Variants in ADAMTS3 observed in about 807,000 individuals in gnomAD.
The protein encoded by ADAMTS3 is ADAM metallopeptidase with thrombospondin type 1 motif 3.
Under a neutral mutation model 129.0 loss-of-function variants are expected in ADAMTS3, and 73 were observed. The ratio of observed to expected loss-of-function variants is 0.57; its 90% confidence interval spans 0.47 to 0.69. The LOEUF (loss-of-function observed/expected upper bound fraction) is 0.69, where lower values mean the gene tolerates loss of function less well. Ranked by LOEUF, ADAMTS3 falls within the 30% of genes least tolerant of loss-of-function variation. The pLI, the probability that ADAMTS3 is intolerant of heterozygous loss-of-function variation, is 0.00. For synonymous variants in ADAMTS3, 477 were observed against 510.8 expected (o/e 0.93, Z 0.89); for missense variants, 1,457 against 1,514.5 (o/e 0.96, Z 0.63).
chr4:72,407,173 G>GGCCAGGCATACTA (rs1333503811), intron 4 of ADAMTS3, among the ~76,000 whole-genome samples: 5 of 151,900 alleles, frequency 3.3e-5, no homozygotes, highest in Non-Finnish European at 7.4e-5. Context: ...TAGAAGCCAA[G>GGCCAGGCATACTA]GCCAGGCATA....
intron 4 of ADAMTS3, among the ~76,000 whole-genome samples, chr4:72,403,677 T>A (rs1402907612): frequency 6.6e-6 from 1 of 152,076 alleles, no homozygotes; most frequent in Non-Finnish European, 1.5e-5. Flanking sequence ...TATTTTTTGC[T>A]ATTTTGCATT....
intron 4 of ADAMTS3, among the ~76,000 whole-genome samples, chr4:72,397,940 T>TAA (rs112625596): frequency 6.7e-6 from 1 of 148,590 alleles, no homozygotes; most frequent in Non-Finnish European, 1.5e-5. Context: ...CAATTTAATG[T>TAA]AAAAAAAAAA....
intron 3 of ADAMTS3, among the ~76,000 whole-genome samples, chr4:72,455,244 G>A (rs1180972864): frequency 1.3e-5 from 2 of 151,530 alleles, no homozygotes; most frequent in Non-Finnish European, 3.0e-5. Context: ...TTAGAAATAT[G>A]TTGGATAAAG....
At chr4:72,549,869 A>G (rs1247880563) in intron 2 of ADAMTS3, among the ~76,000 whole-genome samples, 1 of 150,298 alleles carries the variant, frequency 6.7e-6, no homozygotes, top group Non-Finnish European at 1.5e-5. Flanking sequence ...AGAACACTTT[A>G]AAGGAACTAT....
In ADAMTS3 at chr4:72,287,810, T is replaced by TG. The variant is rs1328095941; in HGVS notation, c.3049+940dup. On this transcript the variant is annotated intron_variant, in intron 21 of 21. Coordinates refer to ENST00000286657, the MANE Select transcript of ADAMTS3 (RefSeq NM_014243.3). ...AGATGTGGATAGAGAGCTATGGAAA[T>TG]GGAGGCAGAAGGAGACAGTGATAGA... 2.0e-5 allele frequency among the ~76,000 whole-genome samples: 3 copies of TG among 152,156 alleles called. No individual in the cohort carries two copies. The East Asian group carries it at 5.8e-4, about 29-fold the overall frequency.
intron 3 of ADAMTS3, among the ~76,000 whole-genome samples, chr4:72,476,282 T>C (rs1048671082): frequency 2.6e-5 from 4 of 151,840 alleles, no homozygotes; most frequent in African/African-American, 4.8e-5. Flanking sequence ...AGAAATGAAA[T>C]AGATTCATTC....
At chr4:72,515,596 G>A (rs1414951196) in intron 3 of ADAMTS3, among the ~76,000 whole-genome samples, 1 of 150,138 alleles carries the variant, frequency 6.7e-6, no homozygotes, top group African/African-American at 2.4e-5. Flanking sequence ...GTGATGATGA[G>A]CATTTTTTCA....
intron 3 of ADAMTS3, among the ~76,000 whole-genome samples, chr4:72,427,413 T>G (rs1481667): frequency 1.3e-5 from 2 of 151,862 alleles, no homozygotes; most frequent in Non-Finnish European, 2.9e-5. Flanking sequence ...CCACAGCCAG[T>G]TATGTCAATG....
At chr4:72,452,155 CA>C (rs1718424243) in intron 3 of ADAMTS3, among the ~76,000 whole-genome samples, 1 of 151,646 alleles carries the variant, frequency 6.6e-6, no homozygotes, top group Non-Finnish European at 1.5e-5. Flanking sequence ...CAGGAAGTCA[CA>C]TTTATAAAAA....
At chr4:72,317,684 C>G (rs2109804905) in intron 10 of ADAMTS3, among the ~76,000 whole-genome samples, 1 of 152,186 alleles carries the variant, frequency 6.6e-6, no homozygotes, top group African/African-American at 2.4e-5. Context: ...ACATATTACA[C>G]ATGAGAAAGT....
intron 3 of ADAMTS3, among the ~76,000 whole-genome samples, chr4:72,415,366 T>C (rs1206828547): frequency 6.6e-6 from 1 of 152,024 alleles, no homozygotes; most frequent in Non-Finnish European, 1.5e-5. Flanking sequence ...TAACCCATTG[T>C]GGAGCAGTGG....
At chr4:72,433,617 C>T (rs1429582534) in intron 3 of ADAMTS3, among the ~76,000 whole-genome samples, 1 of 151,844 alleles carries the variant, frequency 6.6e-6, no homozygotes, top group East Asian at 1.9e-4. Context: ...AAATTTCGCA[C>T]AAACATGGTA....
intron 4 of ADAMTS3, among the ~76,000 whole-genome samples, chr4:72,341,641 C>T (rs1362726122): frequency 6.6e-6 from 1 of 152,144 alleles, no homozygotes; most frequent in Non-Finnish European, 1.5e-5. Flanking sequence ...GGAAATATAC[C>T]AGCAATGTTA....
chr4:72,301,949 G>A (rs888374434), intron 17 of ADAMTS3, among the ~76,000 whole-genome samples: 1 of 152,058 alleles, frequency 6.6e-6, no homozygotes, highest in Non-Finnish European at 1.5e-5. Context: ...ACACCAGGCA[G>A]TCCACAGTGG....
At chr4:72,530,228 T>C (rs1304835611) in intron 3 of ADAMTS3, among the ~76,000 whole-genome samples, 1 of 76,990 alleles carries the variant, frequency 1.3e-5, no homozygotes, top group African/African-American at 5.2e-5. Context: ...ATATATATAT[T>C]ATATATATTA....
intron 6 of ADAMTS3, 120 bp downstream of exon 6, chr4:72,322,894 C>G (rs1043783572): frequency 3.0e-5 from 21 of 703,278 alleles, no homozygotes; most frequent in Middle Eastern, 2.7e-4. Flanking sequence ...CAATTTCAAG[C>G]AACTAGGGGT....
At chr4:72,394,578 A>G (rs1721678039) in intron 4 of ADAMTS3, among the ~76,000 whole-genome samples, 1 of 152,216 alleles carries the variant, frequency 6.6e-6, no homozygotes, top group Admixed American at 6.5e-5. Flanking sequence ...CACCCAAAAC[A>G]TTGCCATTTC....
chr4:72,331,049 C>G (rs768948593), intron 5 of ADAMTS3, among the ~76,000 whole-genome samples: 1 of 152,030 alleles, frequency 6.6e-6, no homozygotes, highest in Non-Finnish European at 1.5e-5. Flanking sequence ...GTGAATTTCA[C>G]GAAGGGAATT....
chr4:72,367,807 G>A (rs1720906024), intron 4 of ADAMTS3, among the ~76,000 whole-genome samples: 1 of 148,826 alleles, frequency 6.7e-6, no homozygotes. Flanking sequence ...CGGAGATGGC[G>A]CCACTACACT....
Sources: gnomAD v4.1 joint callset for allele counts (sites outside exome capture counted in the v4.1 genomes callset) on GRCh38, gnomAD v4.1.1 for gene constraint, MANE v1.5 for transcripts, NCBI Gene and HGNC (gene_info 2026-07-23, HGNC 2026-07-21) for gene names.